The following KCND2 variants were observed in gnomAD, a reference collection of about 807,000 sequenced individuals.
The protein encoded by KCND2 is A-type voltage-gated potassium channel KCND2.
A neutral mutation model predicts 54.4 loss-of-function variants in KCND2; 16 were observed. That is an observed-to-expected ratio of 0.29 (90% CI 0.20 to 0.45). The LOEUF is 0.45. Ranked by LOEUF, KCND2 falls within the 20% of genes least tolerant of loss-of-function variation. The pLI is 1.00. For synonymous variants in KCND2, 317 were observed against 310.7 expected (o/e 1.02, Z -0.21); for missense variants, 486 against 824.2 (o/e 0.59, Z 5.02).
intron 1 of KCND2, among the ~76,000 whole-genome samples, chr7:120,625,906 A>G (rs1445547131): frequency 6.6e-6 from 1 of 152,112 alleles, no homozygotes; most frequent in Non-Finnish European, 1.5e-5. Flanking sequence ...GAAAATTGGA[A>G]AAGTGAAAAT....
intron 1 of KCND2, among the ~76,000 whole-genome samples, chr7:120,548,308 G>A (rs148142143): frequency 1.5e-3 from 229 of 152,208 alleles, no homozygotes; most frequent in Middle Eastern, 0.014. Flanking sequence ...CAGGAAGATA[G>A]TCTTATTTCT....
At chr7:120,704,978 C>G (rs1240009005) in intron 1 of KCND2, among the ~76,000 whole-genome samples, 1 of 151,606 alleles carries the variant, frequency 6.6e-6, no homozygotes, top group African/African-American at 2.4e-5. Context: ...AAAAGTAAAC[C>G]CTTTTTAAAA....
chr7:120,717,306 G>C (rs189043794), intron 1 of KCND2, among the ~76,000 whole-genome samples: 14 of 152,232 alleles, frequency 9.2e-5, no homozygotes, highest in East Asian at 3.9e-4. Flanking sequence ...TGGGCAGGTA[G>C]CATATACAGT....
At chr7:120,609,752 G>A (rs1185629569) in intron 1 of KCND2, among the ~76,000 whole-genome samples, 1 of 152,066 alleles carries the variant, frequency 6.6e-6, no homozygotes, top group Admixed American at 6.6e-5. Context: ...TTTTCAAAAC[G>A]AAAATACAGG....
Position 120,274,703 on chromosome 7 carries a change from C to T in KCND2, c.71C>T (p.Ser24Leu). 6.2e-7 allele frequency: 1 copy of T among 1,613,834 alleles called. No individual in the cohort carries two copies. Among genetic ancestry groups the T allele is most frequent in the Non-Finnish European group, 8.5e-7 (1 of 1,179,954 alleles). Residue 24 changes from serine to leucine, a missense_variant, in exon 1 of 6, where the codon TCG becomes TTG. This residue lies in a region of KCND2 where 231 missense variants were observed against 386.0 expected (regional missense o/e 0.60). Coordinates refer to ENST00000331113, the MANE Select transcript of KCND2 (RefSeq NM_012281.3). Reference protein sequence around the residue: ...AAAIGWMPVASGPMPAPPRQE... With the variant: ...AAAIGWMPVALGPMPAPPRQE... ...GCTATCGGGTGGATGCCTGTGGCCT[C>T]GGGGCCTATGCCGGCTCCCCCGAGG...
chr7:120,562,708 C>T (rs1792249922), intron 1 of KCND2, among the ~76,000 whole-genome samples: 1 of 152,024 alleles, frequency 6.6e-6, no homozygotes, highest in African/African-American at 2.4e-5. Flanking sequence ...ACATTTGAGA[C>T]ATTTAAAAAA....
intron 1 of KCND2, among the ~76,000 whole-genome samples, chr7:120,417,277 A>T (rs1450911323): frequency 6.6e-6 from 1 of 152,240 alleles, no homozygotes; most frequent in African/African-American, 2.4e-5. Context: ...CCCTCAGGCA[A>T]GAAAAAGTTT....
intron 1 of KCND2, among the ~76,000 whole-genome samples, chr7:120,448,003 G>C (rs967740651): frequency 6.6e-6 from 1 of 152,068 alleles, no homozygotes; most frequent in African/African-American, 2.4e-5. Flanking sequence ...ATTGCATTGA[G>C]AAACTGGACC....
At chr7:120,682,310 T>G (rs1368229993) in intron 1 of KCND2, among the ~76,000 whole-genome samples, 1 of 152,028 alleles carries the variant, frequency 6.6e-6, no homozygotes, top group Non-Finnish European at 1.5e-5. Context: ...ACACAATAAA[T>G]TATATTATCG....
At chr7:120,446,567 CACAT>C (rs1802022180) in intron 1 of KCND2, among the ~76,000 whole-genome samples, 1 of 152,018 alleles carries the variant, frequency 6.6e-6, no homozygotes, top group African/African-American at 2.4e-5. Flanking sequence ...CACACACATA[CACAT>C]ACACATACAC....
intron 1 of KCND2, among the ~76,000 whole-genome samples, chr7:120,696,310 C>T (rs1024136716): frequency 1.3e-5 from 2 of 152,160 alleles, no homozygotes; most frequent in African/African-American, 2.4e-5. Context: ...GCTAAATGAG[C>T]ATTTTGCTAA....
chr7:120,554,293 G>T (rs1243801542), intron 1 of KCND2, among the ~76,000 whole-genome samples: 1 of 152,164 alleles, frequency 6.6e-6, no homozygotes, highest in South Asian at 2.1e-4. Context: ...TTAGAGCAGC[G>T]GTTCTCAAAC....
intron 1 of KCND2, among the ~76,000 whole-genome samples, chr7:120,726,276 G>A (rs1404347836): frequency 6.6e-6 from 1 of 151,996 alleles, no homozygotes; most frequent in Non-Finnish European, 1.5e-5. Context: ...TAATACCAGG[G>A]CCCCTCTGGC....
At chr7:120,488,048 G>A (rs139273903) in intron 1 of KCND2, among the ~76,000 whole-genome samples, 20 of 151,872 alleles carry the variant, frequency 1.3e-4, no homozygotes, top group Non-Finnish European at 2.6e-4. Context: ...AAAAAAAACT[G>A]GTTTGGCATG....
At chr7:120,315,522 A>G (rs770817722) in intron 1 of KCND2, among the ~76,000 whole-genome samples, 1 of 152,118 alleles carries the variant, frequency 6.6e-6, no homozygotes, top group Non-Finnish European at 1.5e-5. Context: ...ATACTTCTCC[A>G]GTGAATCTCG....
intron 1 of KCND2, among the ~76,000 whole-genome samples, chr7:120,329,229 C>CGA (rs1800027714): frequency 6.7e-6 from 1 of 149,706 alleles, no homozygotes; most frequent in South Asian, 2.1e-4. Flanking sequence ...TCAAGTGATT[C>CGA]TCCTATCTCA....
At chr7:120,531,682 T>A (rs1460087769) in intron 1 of KCND2, among the ~76,000 whole-genome samples, 3 of 152,136 alleles carry the variant, frequency 2.0e-5, no homozygotes, top group African/African-American at 7.2e-5. Flanking sequence ...TCAATGCTGC[T>A]CATACCAGCG....
chr7:120,681,693 A>T (rs1363748329), intron 1 of KCND2, among the ~76,000 whole-genome samples: 1 of 152,060 alleles, frequency 6.6e-6, no homozygotes, highest in Non-Finnish European at 1.5e-5. Flanking sequence ...TTTAATCATA[A>T]CTATTCACAT....
chr7:120,316,337 A>G (rs1235090721), intron 1 of KCND2, among the ~76,000 whole-genome samples: 1 of 152,202 alleles, frequency 6.6e-6, no homozygotes, highest in Non-Finnish European at 1.5e-5. Flanking sequence ...ATGCAGAGGC[A>G]ATTTTCAGAT....
Sources: allele counts gnomAD v4.1 joint callset (sites outside exome capture counted in the v4.1 genomes callset), GRCh38; gene constraint gnomAD v4.1.1; regional missense constraint gnomAD v4.1.1; transcripts MANE v1.5; gene names NCBI Gene and HGNC (gene_info 2026-07-23, HGNC 2026-07-21).